Variants in GLG1 observed in about 807,000 individuals in gnomAD.
GLG1 encodes Golgi apparatus protein 1.
In GLG1, 38 loss-of-function variants were observed where a neutral mutation model predicts 160.5. The ratio of observed to expected loss-of-function variants is 0.24; its 90% CI spans 0.18 to 0.31. The LOEUF is 0.31. Ranked by LOEUF, GLG1 falls within the 10% of genes least tolerant of loss-of-function variation. The pLI, the probability that GLG1 is intolerant of heterozygous loss-of-function variation, is 1.00. For synonymous variants in GLG1, 644 were observed against 543.4 expected, an observed-to-expected ratio of 1.19 and a Z score of -2.57; for missense variants, 1,373 against 1,505.2, an observed-to-expected ratio of 0.91 and a Z score of 1.45.
At chr16:74,516,183 C>T (rs984932237) in intron 2 of GLG1, among the ~76,000 whole-genome samples, 4 of 151,646 alleles carry the variant, frequency 2.6e-5, no homozygotes, top group African/African-American at 9.8e-5. Context: ...AGGAATTGAA[C>T]TCAGCTCTGC....
chr16:74,487,543 T>C (rs1201275373), intron 8 of GLG1, among the ~76,000 whole-genome samples: 5 of 152,192 alleles, frequency 3.3e-5, no homozygotes, highest in Non-Finnish European at 4.4e-5. Context: ...CCAAAAATTA[T>C]TGGTGGCAAT....
chr16:74,462,458 C>T (rs1259483261), intron 21 of GLG1, 30 bp downstream of exon 21: 1 of 1,586,490 alleles, frequency 6.3e-7, no homozygotes, highest in East Asian at 2.2e-5. Context: ...TCCATAAATA[C>T]ACCTTTGTGG....
At chr16:74,574,963 G>C (rs1170026578) in intron 1 of GLG1, among the ~76,000 whole-genome samples, 1 of 118,040 alleles carries the variant, frequency 8.5e-6, no homozygotes, top group Non-Finnish European at 1.7e-5. Flanking sequence ...ACAAGAAGCC[G>C]GGTGCAGTGG....
intron 3 of GLG1, among the ~76,000 whole-genome samples, chr16:74,505,910 G>A (rs1452250623): frequency 6.6e-6 from 1 of 151,610 alleles, no homozygotes; most frequent in African/African-American, 2.4e-5. Context: ...CGCATCTGTA[G>A]TCCCAGCTAC....
intron 1 of GLG1, among the ~76,000 whole-genome samples, chr16:74,590,394 G>C (rs564088524): frequency 5.9e-4 from 90 of 152,058 alleles, no homozygotes; most frequent in African/African-American, 2.0e-3. Flanking sequence ...GAAGCAGGCG[G>C]ATCACCTGAA....
At chr16:74,583,230 A>C (rs1055004291) in intron 1 of GLG1, among the ~76,000 whole-genome samples, 2 of 152,198 alleles carry the variant, frequency 1.3e-5, no homozygotes, top group African/African-American at 4.8e-5. Context: ...CTATAGCCTT[A>C]TAAGCAGGAT....
intron 8 of GLG1, 102 bp from the exon 9 acceptor site, chr16:74,486,019 GT>G: frequency 1.2e-6 from 1 of 854,210 alleles, no homozygotes; most frequent in East Asian, 2.6e-5. Flanking sequence ...TTACCACAAT[GT>G]ACTCCAATAA....
intron 4 of GLG1, among the ~76,000 whole-genome samples, chr16:74,501,383 G>C (rs1471327354): frequency 6.6e-6 from 1 of 152,172 alleles, no homozygotes; most frequent in East Asian, 1.9e-4. Flanking sequence ...CATACTGAAA[G>C]ATTAAATGAC....
chr16:74,545,168 A>T (rs2018012509), intron 1 of GLG1, among the ~76,000 whole-genome samples: 1 of 152,150 alleles, frequency 6.6e-6, no homozygotes, highest in South Asian at 2.1e-4. Flanking sequence ...ACAGGATTTA[A>T]ATCACTCCAC....
intron 1 of GLG1, among the ~76,000 whole-genome samples, chr16:74,582,204 T>C (rs1957953527): frequency 6.6e-6 from 1 of 152,142 alleles, no homozygotes; most frequent in African/African-American, 2.4e-5. Flanking sequence ...TCCGCTCTTA[T>C]TGCCCAGGGT....
At chr16:74,533,077 T>C (rs570818147) in intron 1 of GLG1, among the ~76,000 whole-genome samples, 1 of 152,116 alleles carries the variant, frequency 6.6e-6, no homozygotes, top group African/African-American at 2.4e-5. Context: ...TCCCAGCACT[T>C]TGGGAGGCTG....
intron 1 of GLG1, among the ~76,000 whole-genome samples, chr16:74,553,444 A>G (rs911335661): frequency 2.0e-5 from 3 of 150,652 alleles, no homozygotes; most frequent in African/African-American, 7.3e-5. Context: ...ATTTTCTGGA[A>G]CATTCTTTTT....
intron 1 of GLG1, among the ~76,000 whole-genome samples, chr16:74,586,151 A>G (rs1279370023): frequency 6.6e-6 from 1 of 152,102 alleles, no homozygotes; most frequent in Non-Finnish European, 1.5e-5. Flanking sequence ...GAAAGAGCTG[A>G]TAAGGAAAAA....
intron 1 of GLG1, among the ~76,000 whole-genome samples, chr16:74,595,492 G>A (rs1187020109): frequency 2.6e-5 from 4 of 152,110 alleles, no homozygotes; most frequent in Admixed American, 6.6e-5. Context: ...AGCCAAGATC[G>A]CGCCACTGCA....
chr16:74,606,852 C>G lies in GLG1; in HGVS notation c.243G>C (p.Gln81His), dbSNP rs1424906653. The change falls in exon 1 of 26, where the codon CAG (glutamine) becomes CAC (histidine). Residue 81 changes from glutamine (Q) to histidine (H), a missense_variant. Physicochemically the swap from Gln to His is conservative, Grantham distance 24. Transcript: ENST00000422840. ...GCTGCGGCGGCTGAGGCTGCTGTTGCTGTTGCTGCTGCTGCTGTTGCTGCT... is the reference window on the plus strand; with the variant it reads ...GCTGCGGCGGCTGAGGCTGCTGTTGGTGTTGCTGCTGCTGCTGTTGCTGCT... ...QLQQQQQQQQ[Q>H]QQQPQPPQPP... 3.8e-6 allele frequency: 6 copies of G among 1,597,822 alleles called. No homozygotes were observed. Among genetic ancestry groups the G allele is most frequent in the Non-Finnish European group, 5.1e-6 (6 of 1,173,240 alleles).
chr16:74,490,395 T>C lies in GLG1; in HGVS notation c.1449+606A>G, dbSNP rs186013109. Among the ~76,000 whole-genome samples the C allele has an allele frequency of 7.4e-3, 1,134 of 152,340 alleles. 13 individuals are homozygous for C. Among genetic ancestry groups the C allele is most frequent in the African/African-American group, 0.026 (1,078 of 41,564 alleles). The stretch of plus-strand genomic sequence containing the variant: ...TACCCATGTAACAAACCTGCACATG[T>C]ATCCTGGAACTTAACATTAAATTAA... On this transcript the variant is annotated intron_variant, in intron 8 of 25. Transcript: ENST00000422840.
intron 22 of GLG1, 30 bp from the exon 23 acceptor site, chr16:74,459,819 C>A: frequency 1.8e-6 from 2 of 1,086,092 alleles, no homozygotes; most frequent in Non-Finnish European, 1.4e-6. Flanking sequence ...AACAAAGCTA[C>A]CCCACTGAGC....
chr16:74,517,289 G>A (rs1283663423), intron 2 of GLG1, among the ~76,000 whole-genome samples: 5 of 152,108 alleles, frequency 3.3e-5, no homozygotes. Flanking sequence ...ACATCTAGCT[G>A]AAAATCCTCA....
chr16:74,505,665 G>A (rs192944651), intron 3 of GLG1, among the ~76,000 whole-genome samples: 4 of 152,248 alleles, frequency 2.6e-5, no homozygotes, highest in East Asian at 1.9e-4. Context: ...GACCAGCCTG[G>A]GCAACACGGT....
Sources: allele counts gnomAD v4.1 joint callset (sites outside exome capture counted in the v4.1 genomes callset), GRCh38; gene constraint gnomAD v4.1.1; transcripts MANE v1.5; gene names NCBI Gene and HGNC (gene_info 2026-07-23, HGNC 2026-07-21).